MAML2: variants seen among roughly 807,000 people sequenced by gnomAD.
The protein encoded by MAML2 is mastermind like transcriptional coactivator 2.
MAML2 carries 22 observed loss-of-function variants against 96.1 expected under a neutral mutation model. That is an observed-to-expected ratio of 0.23 (90% confidence interval 0.16 to 0.33). MAML2 has a LOEUF of 0.33. Ranked by LOEUF, MAML2 falls within the 10% of genes least tolerant of loss-of-function variation. The pLI is 1.00. For missense variants in MAML2, 1,367 were observed against 1,392.4 expected (o/e 0.98, Z 0.29); for synonymous variants, 561 against 521.3 (o/e 1.08, Z -1.04).
At chr11:96,318,198 T>G (rs970709175) in intron 1 of MAML2, among the ~76,000 whole-genome samples, 1 of 152,192 alleles carries the variant, frequency 6.6e-6, no homozygotes, top group South Asian at 2.1e-4. Flanking sequence ...AATAAATGCT[T>G]TAGGTCATTT....
At chr11:96,026,613 G>T (rs191509822) in intron 2 of MAML2, among the ~76,000 whole-genome samples, 61 of 152,126 alleles carry the variant, frequency 4.0e-4, no homozygotes, top group African/African-American at 1.3e-3. Flanking sequence ...TCTCTACAGG[G>T]TTTCCTTTTC....
At chr11:96,159,512 G>T (rs1316867238) in intron 1 of MAML2, among the ~76,000 whole-genome samples, 1 of 4,704 alleles carries the variant, frequency 2.1e-4, no homozygotes, top group Non-Finnish European at 1.2e-3. Context: ...GCGAGCTCCG[G>T]CCTCCCGGGT....
At position 95,991,661 on chromosome 11, in the gene MAML2, A is replaced by G; in HGVS notation, c.2202T>C (p.Asn734=). ...GPSPSPNPCS[N]PNTGSGYMNS... ...TCATGTAACCACTTCCAGTGTTTGG[A>G]TTTGAGCAGGGGTTAGGACTTGGAC... Residue 734 remains asparagine (N), a synonymous_variant, in exon 3 of 5, where the codon AAT becomes AAC. Coordinates refer to ENST00000524717, the MANE Select transcript of MAML2 (RefSeq NM_032427.4). 1 of 1,613,680 alleles carries G rather than the reference A, an allele frequency of 6.2e-7. No homozygotes were observed. Among genetic ancestry groups the G allele is most frequent in the Non-Finnish European group, 8.5e-7 (1 of 1,179,712 alleles).
intron 1 of MAML2, among the ~76,000 whole-genome samples, chr11:96,207,136 C>T (rs1272082633): frequency 2.0e-5 from 3 of 152,198 alleles, no homozygotes; most frequent in African/African-American, 7.2e-5. Context: ...CTTGTAACTG[C>T]ACCAGTTAGA....
At chr11:96,100,429 C>G (rs1859906484) in intron 1 of MAML2, among the ~76,000 whole-genome samples, 1 of 151,942 alleles carries the variant, frequency 6.6e-6, no homozygotes, top group Admixed American at 6.6e-5. Context: ...CCTGCCTCAG[C>G]CTCCCGAGTA....
At chr11:96,017,122 T>A (rs868682861) in intron 2 of MAML2, among the ~76,000 whole-genome samples, 3 of 152,206 alleles carry the variant, frequency 2.0e-5, no homozygotes, top group Non-Finnish European at 4.4e-5. Flanking sequence ...TGTTTAATCT[T>A]TACAACATTC....
intron 1 of MAML2, among the ~76,000 whole-genome samples, chr11:96,279,889 A>C (rs1345357740): frequency 1.3e-5 from 2 of 152,224 alleles, no homozygotes; most frequent in Middle Eastern, 3.2e-3. Context: ...GTTTTTCTGC[A>C]TCTCAAAAAG....
intron 1 of MAML2, among the ~76,000 whole-genome samples, chr11:96,283,651 T>A (rs191725019): frequency 2.1e-4 from 32 of 152,314 alleles, no homozygotes; most frequent in Admixed American, 1.9e-3. Context: ...ATGAACCCAC[T>A]AGACCAACCA....
intron 1 of MAML2, among the ~76,000 whole-genome samples, chr11:96,301,868 T>G (rs1863391501): frequency 6.6e-6 from 1 of 152,230 alleles, no homozygotes; most frequent in Non-Finnish European, 1.5e-5. Flanking sequence ...TTCACACGTT[T>G]TATAATTAGT....
At chr11:96,066,488 CT>C (rs1859247729) in intron 2 of MAML2, among the ~76,000 whole-genome samples, 1 of 152,190 alleles carries the variant, frequency 6.6e-6, no homozygotes, top group African/African-American at 2.4e-5. Flanking sequence ...ACAACACACA[CT>C]TGGCCTTGAG....
At chr11:96,209,365 C>G (rs773305465) in intron 1 of MAML2, among the ~76,000 whole-genome samples, 41 of 152,042 alleles carry the variant, frequency 2.7e-4, no homozygotes, top group Non-Finnish European at 5.1e-4. Context: ...AGGCTGGGTG[C>G]AGTGGCTCAC....
intron 1 of MAML2, among the ~76,000 whole-genome samples, chr11:96,119,734 A>C (rs1001796743): frequency 5.3e-5 from 8 of 152,116 alleles, no homozygotes; most frequent in African/African-American, 1.9e-4. Context: ...CCTTTAATTA[A>C]CTATTCCTTC....
chr11:96,262,029 C>T (rs745931482), intron 1 of MAML2, among the ~76,000 whole-genome samples: 3 of 152,102 alleles, frequency 2.0e-5, no homozygotes, highest in Non-Finnish European at 4.4e-5. Flanking sequence ...TAAAAGATGT[C>T]CTGAAGTCCT....
In MAML2 at chr11:96,092,897, G is replaced by A. The variant is rs944219892; in HGVS notation, c.1134C>T (p.Gly378=). 6.2e-7 allele frequency: 1 copy of A among 1,605,014 alleles called. No homozygotes were observed. Among genetic ancestry groups the A allele is most frequent in the Admixed American group, 1.7e-5 (1 of 59,392 alleles). The change falls in exon 2 of 5, where the codon GGC becomes GGT. Residue 378 remains glycine (G), a synonymous_variant. Transcript: ENST00000524717. The surrounding 1 kb of genome is among the most constrained non-coding windows in gnomAD (Gnocchi z 4.1). ...CTGATGGGGGCCTCAGCTGAGGAGA[G>A]CCTGAGGGGCCCTGAGTCAAGCCCG... is the stretch of plus-strand genomic sequence containing the variant. ...YSPGLTQGPS[G]SPQLRPPSAG...
intron 1 of MAML2, among the ~76,000 whole-genome samples, chr11:96,226,571 A>T (rs1251450764): frequency 1.3e-5 from 2 of 152,214 alleles, no homozygotes; most frequent in African/African-American, 4.8e-5. Context: ...GCCAAGCATT[A>T]CTTTGGAAAA....
chr11:96,152,332 A>C (rs904710563), intron 1 of MAML2, among the ~76,000 whole-genome samples: 9 of 152,276 alleles, frequency 5.9e-5, no homozygotes, highest in East Asian at 3.8e-4. Context: ...ACTGGATTTA[A>C]ATGACAAATC....
At chr11:96,163,548 G>A (rs1481909332) in intron 1 of MAML2, among the ~76,000 whole-genome samples, 1 of 152,148 alleles carries the variant, frequency 6.6e-6, no homozygotes, top group African/African-American at 2.4e-5. Flanking sequence ...ACAAGGTCAC[G>A]GCTAGGATTA....
intron 2 of MAML2, among the ~76,000 whole-genome samples, chr11:96,034,484 A>C (rs1858672842): frequency 6.8e-6 from 1 of 147,904 alleles, no homozygotes; most frequent in African/African-American, 2.6e-5. Flanking sequence ...TGTCAGAGAG[A>C]GATTTCTTCT....
chr11:96,103,866 C>A (rs1859976400), intron 1 of MAML2, among the ~76,000 whole-genome samples: 1 of 152,210 alleles, frequency 6.6e-6, no homozygotes, highest in South Asian at 2.1e-4. Flanking sequence ...AGCTACACTA[C>A]TTTTTTGTTT....
Sources: gnomAD v4.1 joint callset for allele counts (sites outside exome capture counted in the v4.1 genomes callset) on GRCh38, gnomAD v4.1.1 for gene constraint, Gnocchi (gnomAD v3.1) non-coding constraint, MANE v1.5 for transcripts, NCBI Gene and HGNC (gene_info 2026-07-23, HGNC 2026-07-21) for gene names.